The following PLS1 variants were observed in gnomAD, a reference collection of about 807,000 sequenced individuals.
PLS1 encodes the protein plastin-1.
PLS1 carries 32 observed loss-of-function variants against 73.7 expected under a neutral mutation model. The observed-to-expected ratio is 0.43, with a 90% CI of 0.33 to 0.58. PLS1 has a LOEUF of 0.58. Among genes scored for constraint, PLS1 ranks in the 20% least tolerant of loss-of-function variants. The pLI is 0.04. For missense variants in PLS1, 633 were observed against 740.5 expected (o/e 0.85, Z 1.68); for synonymous variants, 217 against 261.3 (o/e 0.83, Z 1.63).
At chr3:142,641,827 G>A (rs964602964) in intron 1 of PLS1, among the ~76,000 whole-genome samples, 1 of 151,860 alleles carries the variant, frequency 6.6e-6, no homozygotes, top group Non-Finnish European at 1.5e-5. Context: ...GCAGCTTTGG[G>A]GTTCAGATTT....
intron 14 of PLS1, among the ~76,000 whole-genome samples, chr3:142,709,590 G>A (rs1933015134): frequency 6.6e-6 from 1 of 152,168 alleles, no homozygotes; most frequent in Admixed American, 6.5e-5. Flanking sequence ...GCCGAGGCGG[G>A]TGGATCACGA....
At chr3:142,701,446 A>C (rs2038329885) in intron 12 of PLS1, among the ~76,000 whole-genome samples, 1 of 152,180 alleles carries the variant, frequency 6.6e-6, no homozygotes. Context: ...AAAAAGTTTT[A>C]GAGTTTGGAG....
chr3:142,680,394 A>C (rs916144014), intron 6 of PLS1, among the ~76,000 whole-genome samples: 2 of 152,210 alleles, frequency 1.3e-5, no homozygotes, highest in Non-Finnish European at 2.9e-5. Flanking sequence ...ATAAAAATTC[A>C]GTTGGATTTT....
At chr3:142,657,253 C>T (rs2037259954) in intron 1 of PLS1, 2 of 152,256 alleles carry the variant, frequency 1.3e-5, no homozygotes, top group Non-Finnish European at 2.9e-5. Context: ...TAGAGATTTC[C>T]CTTCCTCCCT....
intron 15 of PLS1, 92 bp from the exon 16 acceptor site, chr3:142,711,780 C>G (rs1933139954): frequency 3.4e-6 from 5 of 1,456,388 alleles, no homozygotes; most frequent in Non-Finnish European, 4.7e-6. Flanking sequence ...TTTCGTAAAA[C>G]TAATCTTGTC....
At chr3:142,597,575 G>A (rs896059320) in intron 1 of PLS1, among the ~76,000 whole-genome samples, 3 of 152,186 alleles carry the variant, frequency 2.0e-5, no homozygotes, top group Non-Finnish European at 2.9e-5. Context: ...CATGATAAAT[G>A]TTTTAATGGC....
chr3:142,679,787 G>A (rs1235197766), intron 6 of PLS1, among the ~76,000 whole-genome samples: 1 of 152,196 alleles, frequency 6.6e-6, no homozygotes, highest in Non-Finnish European at 1.5e-5. Context: ...GAACTTTAAA[G>A]TAGTTTTTTC....
At chr3:142,635,400 G>A (rs1346487884) in intron 1 of PLS1, among the ~76,000 whole-genome samples, 1 of 150,338 alleles carries the variant, frequency 6.7e-6, no homozygotes, top group African/African-American at 2.5e-5. Context: ...AGATTCACTG[G>A]CTAACATGGT....
At chr3:142,615,642 T>A (rs544092324) in intron 1 of PLS1, among the ~76,000 whole-genome samples, 1 of 152,128 alleles carries the variant, frequency 6.6e-6, no homozygotes, top group Non-Finnish European at 1.5e-5. Flanking sequence ...AGGAGCTTAA[T>A]GTCTACTCAC....
At chr3:142,677,962 G>T in intron 5 of PLS1, 70 bp from the exon 6 acceptor site, 1 of 678,548 alleles carries the variant, frequency 1.5e-6, no homozygotes, top group Non-Finnish European at 2.5e-6. Flanking sequence ...ATCTATTTTG[G>T]CTGTTTGCAA....
intron 5 of PLS1, among the ~76,000 whole-genome samples, chr3:142,676,702 T>A (rs1002214486): frequency 6.6e-6 from 1 of 152,166 alleles, no homozygotes; most frequent in Non-Finnish European, 1.5e-5. Flanking sequence ...GATTCAGCCT[T>A]GTGTTATCCT....
Position 142,684,128 on chromosome 3 carries a change from CA to C in PLS1, c.705del (p.Val236LeufsTer15). ...LVLGLLWQII[K>X]VGLFADIEIS... ...TCTTGGGACTTCTCTGGCAGATCAT[CA>C]AAGTTGGCCTTTTTGCTGATATTGA... On this transcript the variant is annotated frameshift_variant, in exon 7 of 16. Coordinates refer to ENST00000457734, the MANE Select transcript of PLS1 (RefSeq NM_001145319.2). LOFTEE classifies it high-confidence loss of function. The C allele has an allele frequency of 6.2e-7, 1 of 1,613,964 alleles. No homozygotes were observed. Among genetic ancestry groups the C allele is most frequent in the Non-Finnish European group, 8.5e-7 (1 of 1,179,954 alleles).
chr3:142,707,125 CT>C (rs965744918), intron 14 of PLS1, among the ~76,000 whole-genome samples: 3 of 152,132 alleles, frequency 2.0e-5, no homozygotes, highest in African/African-American at 7.2e-5. Context: ...CGCGAAAGTG[CT>C]TGGCATTTTG....
chr3:142,642,821 GCTGAGA>G (rs371888398), intron 1 of PLS1, among the ~76,000 whole-genome samples: 34 of 152,244 alleles, frequency 2.2e-4, no homozygotes, highest in African/African-American at 7.7e-4. Context: ...CCTCCAAGTA[GCTGAGA>G]CTACAGGGAA....
chr3:142,703,307 T>G (rs941087954), intron 12 of PLS1, among the ~76,000 whole-genome samples: 21 of 150,548 alleles, frequency 1.4e-4, no homozygotes, highest in African/African-American at 5.1e-4. Flanking sequence ...TTTTTTTTTT[T>G]TTTTTGAGAC....
At chr3:142,618,087 G>T (rs957395007) in intron 1 of PLS1, among the ~76,000 whole-genome samples, 20 of 152,198 alleles carry the variant, frequency 1.3e-4, no homozygotes, top group South Asian at 2.1e-4. Context: ...AGGTATCCCT[G>T]CTCATCATTA....
intron 12 of PLS1, among the ~76,000 whole-genome samples, chr3:142,701,540 T>G (rs2038332136): frequency 6.6e-6 from 1 of 152,222 alleles, no homozygotes; most frequent in South Asian, 2.1e-4. Context: ...ACCTAATTTC[T>G]CATTCTTTCT....
intron 1 of PLS1, among the ~76,000 whole-genome samples, chr3:142,638,517 A>G (rs2036753599): frequency 6.6e-6 from 1 of 152,170 alleles, no homozygotes; most frequent in African/African-American, 2.4e-5. Flanking sequence ...TCTAAAAAGG[A>G]TGCCTGGGAA....
intron 1 of PLS1, among the ~76,000 whole-genome samples, chr3:142,658,703 T>C (rs1467492199): frequency 6.6e-6 from 1 of 152,238 alleles, no homozygotes; most frequent in African/African-American, 2.4e-5. Context: ...TTTGCTTTTT[T>C]CATTTAGTAT....
Sources: gnomAD v4.1 joint callset for allele counts (sites outside exome capture counted in the v4.1 genomes callset) on GRCh38, gnomAD v4.1.1 for gene constraint, MANE v1.5 for transcripts, NCBI Gene and HGNC (gene_info 2026-07-23, HGNC 2026-07-21) for gene names.